Variants in ESX1 observed in about 807,000 individuals in gnomAD.
ESX1 encodes homeobox protein ESX1.
Under a neutral mutation model 13.2 loss-of-function variants are expected in ESX1, and 2 were observed. The observed-to-expected ratio is 0.15, with a 90% CI of 0.06 to 0.48. The LOEUF (loss-of-function observed/expected upper bound fraction) is 0.48, where lower values mean the gene tolerates loss of function less well. Among genes scored for constraint, ESX1 ranks in the 20% least tolerant of loss-of-function variants. ESX1 has a pLI of 0.97. For missense variants in ESX1, 307 were observed against 379.0 expected (o/e 0.81, Z 1.58); for synonymous variants, 157 against 163.1 (o/e 0.96, Z 0.29).
chrX:104,254,088 C>A, intron 2 of ESX1, 66 bp downstream of exon 2: 1 of 1,134,136 alleles, frequency 8.8e-7, no homozygotes, highest in African/African-American at 1.8e-5. Flanking sequence ...GAGCCCCCTA[C>A]GTGGCTTTTA....
In ESX1 at chrX:104,250,505, C is replaced by T. The variant is rs782074286; in HGVS notation, c.944G>A (p.Gly315Glu). ...GGGTGGCACAGGCGCCATGGGCGGC[C>T]CGGTTGGCACAGGCGCCATGGGCGG... Reference protein sequence around the residue: ...PWPPMAPVPTGPPMAPVPPGP... With the variant: ...PWPPMAPVPTEPPMAPVPPGP... Residue 315 changes from glycine (G) to glutamate (E), a missense_variant, in exon 4 of 4, where the codon GGG (glycine) becomes GAG (glutamate). Physicochemically the swap from Gly to Glu is moderately conservative, Grantham distance 98. This residue lies in a region of ESX1 where 47 missense variants were observed against 117.0 expected (regional missense o/e 0.40). Coordinates refer to ENST00000372588, the MANE Select transcript of ESX1 (RefSeq NM_153448.4). 1 of 1,021,835 alleles carries T rather than the reference C, an allele frequency of 9.8e-7. No individual in the cohort carries two copies. Among genetic ancestry groups the T allele is most frequent in the Non-Finnish European group, 1.2e-6 (1 of 803,939 alleles). The allele number at this position is 1,021,835 out of a possible 1,213,427, so 84.2% of individuals were successfully genotyped here. A position where few individuals can be genotyped will look rare whatever the true frequency, so the allele number is the denominator to read the frequency against.
chrX:104,250,309 A>G lies in ESX1; in HGVS notation c.1140T>C (p.His380=), dbSNP rs1923123989. The change falls in exon 4 of 4, where the codon CAT becomes CAC. Residue 380 remains histidine, a synonymous_variant. Coordinates refer to ENST00000372588, the MANE Select transcript of ESX1 (RefSeq NM_153448.4). ...PPMAPLPPRS[H]VPHTGLAPVH... ...CAGGAGCCAGGCCAGTGTGAGGCAC[A>G]TGTGACCTGGGTGGCAGAGGCGCCA... is the stretch of plus-strand genomic sequence containing the variant. 1.7e-6 allele frequency: 2 copies of G among 1,180,041 alleles called. No individual in the cohort carries two copies. Among genetic ancestry groups the G allele is most frequent in the Non-Finnish European group, 2.3e-6 (2 of 880,460 alleles).
In ESX1 at chrX:104,250,149, G is replaced by A. The variant is rs113852635; in HGVS notation, c.*79C>T. ...CCACTTCATTTAACAAGCATCTAACGAATTACTTGATGCTGTGCTGTGCAC... is the reference window on the plus strand; with the variant it reads ...CCACTTCATTTAACAAGCATCTAACAAATTACTTGATGCTGTGCTGTGCAC... On this transcript the variant is annotated 3_prime_UTR_variant, in exon 4 of 4. Transcript: ENST00000372588. 1.5e-5 allele frequency: 16 copies of A among 1,090,840 alleles called. No homozygotes were observed. Among genetic ancestry groups the A allele is most frequent in the African/African-American group, 7.5e-5 (4 of 53,587 alleles). 89.9% of individuals were successfully genotyped at this position (1,090,840 alleles called of 1,213,427 possible).
At chrX:104,252,911 T>A in intron 2 of ESX1, 83 bp from the exon 3 acceptor site, 1 of 909,027 alleles carries the variant, frequency 1.1e-6, no homozygotes, top group South Asian at 2.1e-5. Context: ...GCTCAGCACT[T>A]TGGGAGGCCG....
In ESX1 at chrX:104,253,157, T is replaced by C. The variant is rs1270994558; in HGVS notation, c.507-329A>G. On this transcript the variant is annotated intron_variant, in intron 2 of 3. Coordinates refer to ENST00000372588, the MANE Select transcript of ESX1 (RefSeq NM_153448.4). ...GAGTGAGTCTCAAAAAAAAAACATA[T>C]ATATATATATATATGAATGTACATT... Among the ~76,000 whole-genome samples the C allele has an allele frequency of 5.6e-5, 6 of 107,196 alleles. No homozygotes were observed. The Admixed American group carries it at 6.1e-4, about 11-fold the overall frequency. The allele number at this position is 107,196 out of a possible 115,157, so 93.1% of individuals were successfully genotyped here.
Position 104,254,446 on chromosome X carries a change from G to C in ESX1, c.214C>G (p.Gln72Glu). 1 of 1,212,152 alleles carries C rather than the reference G, an allele frequency of 8.2e-7. No homozygotes were observed. Residue 72 changes from glutamine (Q) to glutamate (E), a missense_variant, in exon 2 of 4, where the codon CAA (glutamine) becomes GAA (glutamate). Around this residue, in one of 3 missense-constraint regions of ESX1, gnomAD observed 152 missense variants for 114.5 expected, o/e 1.33. Coordinates refer to ENST00000372588, the MANE Select transcript of ESX1 (RefSeq NM_153448.4). ...GTEGSVPSDDQDREGGGGHEP... is the reference protein window; with the variant it reads ...GTEGSVPSDDEDREGGGGHEP... Reference sequence around the variant, plus strand: ...TGGCCGCCGCCACCCTCACGGTCTTGGTCGTCCGAGGGGACGGACCCTTCC... The same window carrying C: ...TGGCCGCCGCCACCCTCACGGTCTTCGTCGTCCGAGGGGACGGACCCTTCC...
In ESX1 at chrX:104,254,580, G is replaced by A. The variant is rs992954127; in HGVS notation, c.83-3C>T. The A allele has an allele frequency of 8.3e-7, 1 of 1,203,877 alleles. No homozygotes were observed. The highest frequency in any genetic ancestry group is 1.1e-6 in the Non-Finnish European group (1 of 890,620). On this transcript the variant is annotated splice_region_variant and splice_polypyrimidine_tract_variant and intron_variant, in intron 1 of 3. Coordinates refer to ENST00000372588, the MANE Select transcript of ESX1 (RefSeq NM_153448.4). ...CGAGGTCACGGTAAGTTTCTCATCTGGGAAGGGAGGAAAGCAAAAGAGACA... is the reference window on the plus strand; with the variant it reads ...CGAGGTCACGGTAAGTTTCTCATCTAGGAAGGGAGGAAAGCAAAAGAGACA...
intron 2 of ESX1, among the ~76,000 whole-genome samples, chrX:104,253,225 T>C (rs964415060): frequency 9.2e-6 from 1 of 108,946 alleles, no homozygotes; most frequent in African/African-American, 3.3e-5. Flanking sequence ...TGTAATACGG[T>C]TGGGACTCGC....
rs1556395226 is a variant in ESX1, at chrX:104,254,259, T to A, written c.401A>T (p.Gln134Leu). 8.3e-7 allele frequency: 1 copy of A among 1,210,973 alleles called. No individual in the cohort carries two copies. The highest frequency in any genetic ancestry group is 3.0e-5 in the East Asian group (1 of 33,764). ...AEGPQTAEGP[Q>L]PPERKRRRRT... The stretch of plus-strand genomic sequence containing the variant: ...GCGGCGGCGTTTCCTCTCTGGGGGC[T>A]GTGGTCCCTCAGCGGTTTGTGGCCC... Residue 134 changes from glutamine to leucine, a missense_variant, in exon 2 of 4, where the codon CAG becomes CTG. By Grantham distance (113) the Gln-to-Leu change is moderately radical (BLOSUM62 -2). This residue lies in a region of ESX1 where 152 missense variants were observed against 114.5 expected (regional missense o/e 1.33). Transcript: ENST00000372588.
intron 3 of ESX1, 50 bp from the exon 4 acceptor site, chrX:104,250,946 A>T (rs181718343): frequency 2.8e-4 from 290 of 1,046,522 alleles, no homozygotes; most frequent in Non-Finnish European, 3.5e-4. Flanking sequence ...AGTTAACGTC[A>T]TAATAGAAAA....
At chrX:104,253,228 G>A (rs1216528557) in intron 2 of ESX1, among the ~76,000 whole-genome samples, 1 of 108,183 alleles carries the variant, frequency 9.2e-6, no homozygotes, top group Non-Finnish European at 1.9e-5. Context: ...AATACGGTTG[G>A]GACTCGCTTT....
intron 1 of ESX1, 24 bp from the exon 2 acceptor site, chrX:104,254,601 A>G (rs781929822): frequency 6.7e-6 from 8 of 1,197,788 alleles, no homozygotes; most frequent in African/African-American, 1.8e-5. Flanking sequence ...AAAGCAAAAG[A>G]GACACCAGGG....
At chrX:104,253,198 C>T (rs1478625510) in intron 2 of ESX1, among the ~76,000 whole-genome samples, 1 of 108,452 alleles carries the variant, frequency 9.2e-6, no homozygotes, top group East Asian at 2.9e-4. Context: ...TCTCCCCCAC[C>T]TCCCAGTGCA....
chrX:104,254,620 C>T, intron 1 of ESX1, 43 bp from the exon 2 acceptor site: 3 of 1,185,908 alleles, frequency 2.5e-6, no homozygotes, highest in Admixed American at 4.5e-5. Flanking sequence ...GGCGTTGGAG[C>T]CCACGGCGCG....
rs782362793 is a variant in ESX1, at chrX:104,254,440, G to A, written c.220C>T (p.Arg74Cys). Residue 74 changes from arginine to cysteine, a missense_variant, in exon 2 of 4, where the codon CGT becomes TGT. By Grantham distance (180) the Arg-to-Cys change is radical. Transcript: ENST00000372588. The stretch of plus-strand genomic sequence containing the variant: ...GGCTCGTGGCCGCCGCCACCCTCAC[G>A]GTCTTGGTCGTCCGAGGGGACGGAC... ...EGSVPSDDQD[R>C]EGGGGHEPEQ... The A allele has an allele frequency of 2.5e-6, 3 of 1,212,111 alleles. No individual in the cohort carries two copies. Among genetic ancestry groups the A allele is most frequent in the South Asian group, 1.8e-5 (1 of 57,001 alleles).
rs782311217 is a variant in ESX1, at chrX:104,254,918, G to C, written c.-69C>G. 1.1e-6 allele frequency: 1 copy of C among 931,106 alleles called. No homozygotes were observed. Among genetic ancestry groups the C allele is most frequent in the South Asian group, 2.0e-5 (1 of 49,175 alleles). The allele number at this position is 931,106 out of a possible 1,213,427, so 76.7% of individuals were successfully genotyped here. On this transcript the variant is annotated 5_prime_UTR_variant, in exon 1 of 4. Transcript: ENST00000372588. ...GTGCGTGGTTCCGCGGCGATCCCGG[G>C]GTTGGAACTGGCTCTGGGACCAATG...
At chrX:104,251,224 G>A (rs939025916) in intron 3 of ESX1, among the ~76,000 whole-genome samples, 5 of 111,869 alleles carry the variant, frequency 4.5e-5, no homozygotes, top group African/African-American at 1.6e-4. Flanking sequence ...TGTCTTTGGG[G>A]GATATTCATG....
chrX:104,250,580 C>G lies in ESX1; in HGVS notation c.869G>C (p.Arg290Pro), dbSNP rs782410327. 72 of 1,151,565 alleles carry G rather than the reference C, an allele frequency of 6.3e-5. No individual in the cohort carries two copies. The East Asian group carries it at 1.2e-3, about 19-fold the overall frequency. The allele number at this position is 1,151,565 out of a possible 1,213,427, so 94.9% of individuals were successfully genotyped here. The change falls in exon 4 of 4, where the codon CGC becomes CCC. Residue 290 changes from arginine to proline, a missense_variant. Transcript: ENST00000372588. ...SRMAPVPPGP[R>P]MAPVPPWPPM... ...CGGCCAGGGTGGCACAGGCGCCATG[C>G]GTGGCCCGGGTGGCACAGGCGCCAT... is the stretch of plus-strand genomic sequence containing the variant.
At position 104,250,492 on chromosome X, in the gene ESX1, C is replaced by T. The variant is rs1418223329; in HGVS notation, c.957G>A (p.Ala319=). ...CCATGGGCGGCCCGGGTGGCACAGG[C>T]GCCATGGGCGGCCCGGTTGGCACAG... ...MAPVPTGPPM[A]PVPPGPPMAR... is the part of the protein sequence containing the mutation. The change falls in exon 4 of 4, where the codon GCG becomes GCA. Residue 319 remains alanine, a synonymous_variant. Transcript: ENST00000372588. The T allele has an allele frequency of 4.1e-6, 4 of 986,048 alleles. No homozygotes were observed. The African/African-American group carries it at 6.3e-5, about 16-fold the overall frequency. 81.3% of individuals were successfully genotyped at this position (986,048 alleles called of 1,213,427 possible).
Sources: allele counts gnomAD v4.1 joint callset (sites outside exome capture counted in the v4.1 genomes callset), GRCh38; gene constraint gnomAD v4.1.1; regional missense constraint gnomAD v4.1.1; transcripts MANE v1.5; gene names NCBI Gene and HGNC (gene_info 2026-07-23, HGNC 2026-07-21).